The following DYM variants were observed in gnomAD, a reference collection of about 807,000 sequenced individuals.
The protein encoded by DYM is dymeclin, also known as dyggve-Melchior-Clausen syndrome protein.
In DYM, 78 loss-of-function variants were observed where a neutral mutation model predicts 93.1. The observed-to-expected ratio is 0.84, with a 90% CI of 0.70 to 1.01. The LOEUF (loss-of-function observed/expected upper bound fraction) is 1.01, where lower values mean the gene tolerates loss of function less well. Among genes scored for constraint, DYM ranks in the 50% least tolerant of loss-of-function variants. DYM has a pLI of 0.00. For synonymous variants in DYM, 321 were observed against 319.7 expected, an observed-to-expected ratio of 1.00 and a Z score of -0.04; for missense variants, 789 against 845.0, an observed-to-expected ratio of 0.93 and a Z score of 0.82.
At chr18:49,293,124 G>A (rs941730057) in intron 8 of DYM, among the ~76,000 whole-genome samples, 1 of 152,108 alleles carries the variant, frequency 6.6e-6, no homozygotes, top group African/African-American at 2.4e-5. Flanking sequence ...ATGGTTTCCA[G>A]CTTCATCCAT....
chr18:49,267,958 A>C (rs1568136761), intron 11 of DYM, among the ~76,000 whole-genome samples: 1 of 152,216 alleles, frequency 6.6e-6, no homozygotes, highest in Non-Finnish European at 1.5e-5. Context: ...ATTGAACTAC[A>C]GTTTTACAAC....
chr18:49,341,034 AATTT>A (rs1486125232), intron 6 of DYM, among the ~76,000 whole-genome samples: 2 of 152,192 alleles, frequency 1.3e-5, no homozygotes, highest in Non-Finnish European at 2.9e-5. Flanking sequence ...TATTCACTAA[AATTT>A]ATTTGTAACC....
intron 17 of DYM, among the ~76,000 whole-genome samples, chr18:49,048,870 G>T (rs1237314370): frequency 6.6e-6 from 1 of 152,192 alleles, no homozygotes; most frequent in Non-Finnish European, 1.5e-5. Context: ...AGTTGATGTT[G>T]AAACAATAAC....
intron 17 of DYM, 54 bp downstream of exon 17, chr18:49,097,348 A>G: frequency 6.5e-7 from 1 of 1,536,240 alleles, no homozygotes. Context: ...AGACACTAAC[A>G]TTTACATCAA....
chr18:49,100,241 G>C (rs1203851209), intron 16 of DYM, among the ~76,000 whole-genome samples: 1 of 152,064 alleles, frequency 6.6e-6, no homozygotes, highest in Non-Finnish European at 1.5e-5. Context: ...TGAACTGTTA[G>C]TGCAATCTCT....
At chr18:49,345,468 A>G (rs1034232531) in intron 6 of DYM, among the ~76,000 whole-genome samples, 1 of 152,180 alleles carries the variant, frequency 6.6e-6, no homozygotes, top group Non-Finnish European at 1.5e-5. Flanking sequence ...CAAAGACTTG[A>G]AAGAAGCAAG....
chr18:49,444,058 TG>T (rs897859593), intron 1 of DYM, among the ~76,000 whole-genome samples: 4 of 152,200 alleles, frequency 2.6e-5, no homozygotes. Flanking sequence ...AAAATATGTA[TG>T]AAGCAGAAAA....
intron 11 of DYM, among the ~76,000 whole-genome samples, chr18:49,266,556 A>G (rs1305647141): frequency 1.3e-5 from 2 of 152,230 alleles, no homozygotes; most frequent in Non-Finnish European, 2.9e-5. Flanking sequence ...GGCTACAGTG[A>G]GCAGCGATTG....
chr18:49,109,331 A>G (rs541565558), intron 16 of DYM, among the ~76,000 whole-genome samples: 54 of 152,276 alleles, frequency 3.5e-4, no homozygotes, highest in African/African-American at 1.2e-3. Context: ...TGGACTGGGT[A>G]TAATTTTATG....
At chr18:49,080,645 C>A (rs2077858313) in intron 17 of DYM, among the ~76,000 whole-genome samples, 1 of 148,502 alleles carries the variant, frequency 6.7e-6, no homozygotes, top group African/African-American at 2.5e-5. Context: ...GGGGCTGACC[C>A]CCCCCACCTC....
At chr18:49,058,318 C>CT (rs111921846) in intron 17 of DYM, among the ~76,000 whole-genome samples, 4,140 of 143,652 alleles carry the variant, frequency 0.029, 56 homozygotes, top group South Asian at 0.069. Flanking sequence ...TCTTTTTCTT[C>CT]TTTTTTTTTT....
chr18:49,200,900 T>C (rs183483835), intron 14 of DYM, among the ~76,000 whole-genome samples: 259 of 152,316 alleles, frequency 1.7e-3, no homozygotes, highest in African/African-American at 6.1e-3. Flanking sequence ...TTTTCATGTA[T>C]ACAATACATT....
At chr18:49,301,205 C>T (rs768410103) in intron 8 of DYM, among the ~76,000 whole-genome samples, 1 of 151,998 alleles carries the variant, frequency 6.6e-6, no homozygotes, top group Non-Finnish European at 1.5e-5. Context: ...ATGTGTATGC[C>T]TTTACTCCTT....
chr18:49,433,141 G>A (rs2080491001), intron 1 of DYM, among the ~76,000 whole-genome samples: 1 of 152,100 alleles, frequency 6.6e-6, no homozygotes, highest in Non-Finnish European at 1.5e-5. Flanking sequence ...AGCAGGCTGG[G>A]ACAAGAGTCA....
At position 49,205,333 on chromosome 18, in the gene DYM, T is replaced by C. The variant is rs1181791011; in HGVS notation, c.1625+4218A>G. ...ACATTCAAATAATTAAATATACAAA[T>C]CTAGAGAAATGTGTTTTTGTGTGAA... On this transcript the variant is annotated intron_variant, in intron 14 of 17. Coordinates refer to ENST00000675505, the MANE Select transcript of DYM (RefSeq NM_001353214.3). Among the ~76,000 whole-genome samples, 6 of 152,292 alleles carry C rather than the reference T, an allele frequency of 3.9e-5. 1 individual carries two copies. The highest frequency in any genetic ancestry group is 2.6e-4 in the Admixed American group (4 of 15,306).
chr18:49,057,040 G>C lies in DYM; in HGVS notation c.2026-12836C>G, dbSNP rs74697841. ...CTGTACAAAAAGGCATAGGTCGTAAGTTTCATATCTCAGTGTGTTAGCAAT... is the reference window on the plus strand; with the variant it reads ...CTGTACAAAAAGGCATAGGTCGTAACTTTCATATCTCAGTGTGTTAGCAAT... On this transcript the variant is annotated intron_variant, in intron 17 of 17. Transcript: ENST00000675505. Among the ~76,000 whole-genome samples, 1,127 of 152,324 alleles carry C rather than the reference G, an allele frequency of 7.4e-3. 13 individuals carry two copies. The highest frequency in any genetic ancestry group is 0.025 in the African/African-American group (1,053 of 41,564).
At chr18:49,105,353 A>C (rs1204100088) in intron 16 of DYM, among the ~76,000 whole-genome samples, 1 of 152,158 alleles carries the variant, frequency 6.6e-6, no homozygotes, top group East Asian at 1.9e-4. Context: ...CTTTTCAAAA[A>C]ACCAGCTCCT....
chr18:49,154,603 C>T (rs1305563790), intron 15 of DYM, among the ~76,000 whole-genome samples: 11 of 152,100 alleles, frequency 7.2e-5, no homozygotes, highest in Non-Finnish European at 1.6e-4. Context: ...CCACGTTGTT[C>T]AGGCTGATGT....
chr18:49,407,319 G>A (rs555757980), intron 2 of DYM, among the ~76,000 whole-genome samples: 1 of 152,222 alleles, frequency 6.6e-6, no homozygotes, highest in Admixed American at 6.5e-5. Flanking sequence ...ATAAATGAAT[G>A]CACGGATAAA....
Sources: gnomAD v4.1 joint callset for allele counts (sites outside exome capture counted in the v4.1 genomes callset) on GRCh38, gnomAD v4.1.1 for gene constraint, MANE v1.5 for transcripts, NCBI Gene and HGNC (gene_info 2026-07-23, HGNC 2026-07-21) for gene names.